Variants in ABTB3 observed in about 807,000 individuals in gnomAD.
ABTB3 encodes ankyrin repeat- and BTB/POZ domain-containing protein 3.
the ABTB3 span, among the ~76,000 whole-genome samples, chr12:107,449,903 A>G: frequency 3.3e-5 from 5 of 151,988 alleles, no homozygotes; most frequent in Non-Finnish European, 7.4e-5. Flanking sequence ...CTGCCTCCCA[A>G]AGTGCTGGAA....
At chr12:107,408,482 C>T in the ABTB3 span, among the ~76,000 whole-genome samples, 2 of 152,100 alleles carry the variant, frequency 1.3e-5, no homozygotes, top group Non-Finnish European at 2.9e-5. Context: ...ACAGTAGGGG[C>T]AGGGGAGGAG....
the ABTB3 span, among the ~76,000 whole-genome samples, chr12:107,369,392 G>GTTTTTTTTTTTTTTTTTTTT: frequency 4.4e-5 from 6 of 134,904 alleles, no homozygotes; most frequent in Non-Finnish European, 6.2e-5. Context: ...TCAAACAAGG[G>GTTTTTTTTTTTTTTTTTTTT]TTTTTTTTTT....
chr12:107,373,170 G>T, the ABTB3 span, among the ~76,000 whole-genome samples: 1 of 152,226 alleles, frequency 6.6e-6, no homozygotes, highest in Non-Finnish European at 1.5e-5. Flanking sequence ...ACACAAATAT[G>T]TGTTGGAAGA....
At chr12:107,518,778 G>T in the ABTB3 span, among the ~76,000 whole-genome samples, 2 of 152,048 alleles carry the variant, frequency 1.3e-5, no homozygotes, top group Non-Finnish European at 2.9e-5. Flanking sequence ...ATAAAATGTC[G>T]AGCAGGGTTG....
chr12:107,363,258 C>A, the ABTB3 span, among the ~76,000 whole-genome samples: 2 of 152,174 alleles, frequency 1.3e-5, no homozygotes, highest in Non-Finnish European at 2.9e-5. Context: ...CCATGAGCAG[C>A]AATTATGATG....
At chr12:107,469,888 T>TTC in the ABTB3 span, among the ~76,000 whole-genome samples, 1 of 104,222 alleles carries the variant, frequency 9.6e-6, no homozygotes. Context: ...CTTTCTTTCT[T>TTC]TCTTTCTTTC....
At chr12:107,440,990 G>A in the ABTB3 span, among the ~76,000 whole-genome samples, 1 of 152,202 alleles carries the variant, frequency 6.6e-6, no homozygotes, top group African/African-American at 2.4e-5. Context: ...CAGGTAGGCA[G>A]AGTTGAGGTT....
chr12:107,318,772 G>C, the ABTB3 span: 2 of 715,772 alleles, frequency 2.8e-6, no homozygotes, highest in Non-Finnish European at 4.5e-6. Context: ...TTCCAGCGGC[G>C]GCAGTTCCGG....
chr12:107,524,413 G>A, the ABTB3 span, among the ~76,000 whole-genome samples: 1 of 152,280 alleles, frequency 6.6e-6, no homozygotes, highest in East Asian at 1.9e-4. Context: ...AGCCAATGTG[G>A]AAACCACTGT....
the ABTB3 span, among the ~76,000 whole-genome samples, chr12:107,413,383 A>C: frequency 6.6e-6 from 1 of 152,200 alleles, no homozygotes; most frequent in Admixed American, 6.5e-5. Flanking sequence ...TAGCTTGCCT[A>C]AGGCCACACA....
the ABTB3 span, among the ~76,000 whole-genome samples, chr12:107,491,472 G>A: frequency 6.6e-6 from 1 of 152,176 alleles, no homozygotes; most frequent in Non-Finnish European, 1.5e-5. Context: ...AGGAAATTCA[G>A]TGCTAGCCCT....
chr12:107,545,150 T>G, the ABTB3 span, among the ~76,000 whole-genome samples: 1 of 152,342 alleles, frequency 6.6e-6, no homozygotes, highest in Middle Eastern at 3.4e-3. Context: ...TGAATTGGGC[T>G]GTCTTACAAA....
At chr12:107,332,325 C>T in the ABTB3 span, among the ~76,000 whole-genome samples, 1 of 152,222 alleles carries the variant, frequency 6.6e-6, no homozygotes, top group African/African-American at 2.4e-5. Context: ...CACATTCTGA[C>T]CATTTGCCAC....
chr12:107,585,817 C>T, the ABTB3 span, among the ~76,000 whole-genome samples: 8 of 152,052 alleles, frequency 5.3e-5, no homozygotes, highest in Non-Finnish European at 8.8e-5. Context: ...GAGGCCTGCC[C>T]GACCCACACA....
the ABTB3 span, among the ~76,000 whole-genome samples, chr12:107,594,665 C>T: frequency 1.3e-5 from 2 of 152,024 alleles, no homozygotes; most frequent in African/African-American, 4.8e-5. Flanking sequence ...AGACTGGAAG[C>T]CCATGAAAGG....
the ABTB3 span, among the ~76,000 whole-genome samples, chr12:107,495,449 C>T: frequency 3.3e-5 from 5 of 152,200 alleles, no homozygotes; most frequent in African/African-American, 9.7e-5. Context: ...GCAGAGGGGG[C>T]TCCTAGCTGC....
At chr12:107,327,457 C>T in the ABTB3 span, among the ~76,000 whole-genome samples, 1 of 152,146 alleles carries the variant, frequency 6.6e-6, no homozygotes, top group East Asian at 1.9e-4. Context: ...CTATTCCTTT[C>T]TAAAATTACT....
chr12:107,649,382 G>A, the ABTB3 span: 3 of 1,074,684 alleles, frequency 2.8e-6, no homozygotes, highest in Non-Finnish European at 2.9e-6. Flanking sequence ...GACCCGTGTT[G>A]GGTTTTCATT....
the ABTB3 span, among the ~76,000 whole-genome samples, chr12:107,587,991 G>GC: frequency 6.6e-6 from 1 of 152,080 alleles, no homozygotes; most frequent in Non-Finnish European, 1.5e-5. Context: ...TCCTTCAAAA[G>GC]CCTCCCTCTA....
Sources: allele counts gnomAD v4.1 joint callset (sites outside exome capture counted in the v4.1 genomes callset), GRCh38; gene constraint gnomAD v4.1.1; transcripts MANE v1.5; gene names NCBI Gene and HGNC (gene_info 2026-07-23, HGNC 2026-07-21).